VMP1: variants seen among roughly 807,000 people sequenced by gnomAD.
VMP1 encodes the protein ectopic P-granules autophagy protein 3 homolog.
Under a neutral mutation model 56.0 loss-of-function variants are expected in VMP1, and 11 were observed. That is an observed-to-expected ratio of 0.20 (90% confidence interval 0.12 to 0.32). VMP1 has a LOEUF of 0.32. Ranked by LOEUF, VMP1 falls within the 10% of genes least tolerant of loss-of-function variation. The pLI is 1.00. For missense variants in VMP1, 296 were observed against 490.3 expected, an observed-to-expected ratio of 0.60 and a Z score of 3.74; for synonymous variants, 149 against 165.0, an observed-to-expected ratio of 0.90 and a Z score of 0.74.
intron 8 of VMP1, among the ~76,000 whole-genome samples, chr17:59,811,392 A>G (rs1038807619): frequency 6.6e-6 from 1 of 152,166 alleles, no homozygotes; most frequent in African/African-American, 2.4e-5. Context: ...ACACACACAA[A>G]CACACACACA....
intron 7 of VMP1, among the ~76,000 whole-genome samples, chr17:59,801,080 G>GAAA (rs571996545): frequency 0.16 from 10,326 of 66,176 alleles, 1,592 homozygotes; most frequent in South Asian, 0.47. Context: ...ACTCCATCTC[G>GAAA]AAAAAAAAAA....
intron 5 of VMP1, among the ~76,000 whole-genome samples, chr17:59,764,355 G>A (rs1181106315): frequency 6.6e-6 from 1 of 152,128 alleles, no homozygotes; most frequent in Non-Finnish European, 1.5e-5. Flanking sequence ...AAGGGATGGG[G>A]CCTTGTTCCG....
chr17:59,735,219 T>C (rs2034973703), intron 2 of VMP1, 119 bp from the exon 3 acceptor site: 2 of 1,357,260 alleles, frequency 1.5e-6, no homozygotes, highest in Admixed American at 2.5e-5. Flanking sequence ...TTCACAAGAC[T>C]CTAGGACTTG....
intron 5 of VMP1, among the ~76,000 whole-genome samples, chr17:59,746,782 G>T (rs1201311757): frequency 6.6e-6 from 1 of 152,134 alleles, no homozygotes; most frequent in East Asian, 1.9e-4. Flanking sequence ...TCTGCTGATG[G>T]CTTACGGAGA....
intron 1 of VMP1, among the ~76,000 whole-genome samples, chr17:59,722,515 C>T (rs1452769748): frequency 6.6e-6 from 1 of 152,086 alleles, no homozygotes; most frequent in Non-Finnish European, 1.5e-5. Flanking sequence ...ACATAAAAAA[C>T]GTACAGCAAC....
chr17:59,812,557 A>G (rs1235849628), intron 9 of VMP1, among the ~76,000 whole-genome samples: 1 of 152,380 alleles, frequency 6.6e-6, no homozygotes, highest in Non-Finnish European at 1.5e-5. Flanking sequence ...GCAGATCTCA[A>G]TAGAATAAAA....
chr17:59,786,514 T>A (rs1465099080), intron 7 of VMP1, among the ~76,000 whole-genome samples: 2 of 152,240 alleles, frequency 1.3e-5, no homozygotes, highest in Admixed American at 1.3e-4. Context: ...CACATTTTCA[T>A]ACACTTTAGT....
Position 59,735,335 on chromosome 17 carries a change from C to T in VMP1, c.77-3C>T. On this transcript the variant is annotated splice_polypyrimidine_tract_variant and splice_region_variant and intron_variant, in intron 2 of 11. Transcript: ENST00000262291. ...TTTTAATCTCTGCACTATTGTTTTT[C>T]AGACCCCTCTTCAGTGAATGAAAAG... 1 of 1,613,442 alleles carries T rather than the reference C, an allele frequency of 6.2e-7. No individual in the cohort carries two copies. Among genetic ancestry groups the T allele is most frequent in the Non-Finnish European group, 8.5e-7 (1 of 1,179,768 alleles).
intron 7 of VMP1, among the ~76,000 whole-genome samples, chr17:59,796,997 T>C (rs576482177): frequency 2.0e-5 from 3 of 152,206 alleles, no homozygotes; most frequent in African/African-American, 7.2e-5. Flanking sequence ...GCAGCATTAT[T>C]TATAGTAACT....
At chr17:59,806,119 A>G (rs2037834456) in intron 7 of VMP1, among the ~76,000 whole-genome samples, 1 of 152,190 alleles carries the variant, frequency 6.6e-6, no homozygotes, top group Admixed American at 6.5e-5. Context: ...AGTGCTTCAA[A>G]TGGATTATAA....
intron 6 of VMP1, among the ~76,000 whole-genome samples, chr17:59,765,686 A>G (rs932134735): frequency 6.6e-6 from 1 of 152,038 alleles, no homozygotes; most frequent in Non-Finnish European, 1.5e-5. Flanking sequence ...GAAGAGGCTG[A>G]GGCTGAGGAG....
chr17:59,765,589 A>C (rs2036203374), intron 6 of VMP1, among the ~76,000 whole-genome samples: 1 of 152,230 alleles, frequency 6.6e-6, no homozygotes, highest in Non-Finnish European at 1.5e-5. Context: ...TGTATACCAT[A>C]TTACAAAGAA....
At chr17:59,831,489 C>T (rs772837875) in intron 10 of VMP1, among the ~76,000 whole-genome samples, 11 of 152,022 alleles carry the variant, frequency 7.2e-5, no homozygotes, top group Non-Finnish European at 1.5e-4. Flanking sequence ...GATTTCTTGT[C>T]ACATAAGTGA....
chr17:59,735,627 AGGTTG>A, intron 3 of VMP1, 154 bp downstream of exon 3: 1 of 801,100 alleles, frequency 1.2e-6, no homozygotes, highest in South Asian at 2.3e-5. Flanking sequence ...TCCTTTCTTT[AGGTTG>A]AAGAAAAATA....
chr17:59,708,624 T>G (rs1426554196), intron 1 of VMP1, among the ~76,000 whole-genome samples: 1 of 152,214 alleles, frequency 6.6e-6, no homozygotes, highest in Non-Finnish European at 1.5e-5. Context: ...TGTCAGAGAT[T>G]TTTGTGGACA....
At chr17:59,718,321 C>CA (rs1000098222) in intron 1 of VMP1, among the ~76,000 whole-genome samples, 3 of 151,418 alleles carry the variant, frequency 2.0e-5, no homozygotes. Context: ...CTCAGCCTCC[C>CA]AAGTAGCTGG....
chr17:59,831,761 T>G lies in VMP1; in HGVS notation c.975-6534T>G, dbSNP rs577620251. Among the ~76,000 whole-genome samples, 3 of 149,304 alleles carry G rather than the reference T, an allele frequency of 2.0e-5. No homozygotes were observed. In the South Asian group the frequency reaches 6.4e-4, roughly 32 times the overall value. ...TGAGTAGGTTTCAAGTCTGTGTTTTTTTCTTTAAATAAAAAAAAAAATTTT... is the reference window on the plus strand; with the variant it reads ...TGAGTAGGTTTCAAGTCTGTGTTTTGTTCTTTAAATAAAAAAAAAAATTTT... On this transcript the variant is annotated intron_variant, in intron 10 of 11. Coordinates refer to ENST00000262291, the MANE Select transcript of VMP1 (RefSeq NM_030938.5).
intron 5 of VMP1, among the ~76,000 whole-genome samples, chr17:59,756,181 C>T (rs2035836604): frequency 6.6e-6 from 1 of 152,208 alleles, no homozygotes; most frequent in East Asian, 1.9e-4. Flanking sequence ...TAGACCATAA[C>T]CTTGTTTTCT....
chr17:59,806,729 A>T, intron 7 of VMP1, among the ~76,000 whole-genome samples: 1 of 151,778 alleles, frequency 6.6e-6, no homozygotes. Context: ...AAAAAAAAAA[A>T]AAATTAAATC....
Sources: gnomAD v4.1 joint callset for allele counts (sites outside exome capture counted in the v4.1 genomes callset) on GRCh38, gnomAD v4.1.1 for gene constraint, MANE v1.5 for transcripts, NCBI Gene and HGNC (gene_info 2026-07-23, HGNC 2026-07-21) for gene names.